RPTOR: variants seen among roughly 807,000 people sequenced by gnomAD.
The protein encoded by RPTOR is regulatory-associated protein of mTOR.
In RPTOR, 21 loss-of-function variants were observed where a neutral mutation model predicts 169.9. The ratio of observed to expected loss-of-function variants is 0.12; its 90% CI spans 0.09 to 0.18. The LOEUF (loss-of-function observed/expected upper bound fraction) is 0.18, where lower values mean the gene tolerates loss of function less well. Among genes scored for constraint, RPTOR ranks in the 10% least tolerant of loss-of-function variants. The pLI is 1.00. For synonymous variants in RPTOR, 732 were observed against 753.2 expected, an observed-to-expected ratio of 0.97 and a Z score of 0.46; for missense variants, 1,133 against 1,855.9, an observed-to-expected ratio of 0.61 and a Z score of 7.16.
intron 1 of RPTOR, among the ~76,000 whole-genome samples, chr17:80,559,290 G>T (rs2084449521): frequency 6.6e-6 from 1 of 152,188 alleles, no homozygotes; most frequent in Non-Finnish European, 1.5e-5. Flanking sequence ...CTTTGTCCCA[G>T]TACTGTCATG....
chr17:80,905,520 C>T (rs891461923), intron 20 of RPTOR, among the ~76,000 whole-genome samples: 2 of 151,328 alleles, frequency 1.3e-5, no homozygotes, highest in Non-Finnish European at 2.9e-5. Context: ...GGCATGAACC[C>T]AGGAGGCAGA....
intron 24 of RPTOR, among the ~76,000 whole-genome samples, chr17:80,929,305 G>C (rs1038936920): frequency 6.6e-6 from 1 of 152,222 alleles, no homozygotes; most frequent in Non-Finnish European, 1.5e-5. Flanking sequence ...ACGGGAGGAG[G>C]CTTGGCCAGT....
At chr17:80,703,339 A>G (rs1409270057) in intron 3 of RPTOR, among the ~76,000 whole-genome samples, 1 of 152,156 alleles carries the variant, frequency 6.6e-6, no homozygotes, top group Non-Finnish European at 1.5e-5. Flanking sequence ...TCTGAAAAAC[A>G]TATCCTGTGT....
intron 13 of RPTOR, among the ~76,000 whole-genome samples, chr17:80,872,630 G>C (rs374192942): frequency 6.6e-6 from 1 of 152,192 alleles, no homozygotes; most frequent in Non-Finnish European, 1.5e-5. Context: ...AGCTGCCTCC[G>C]GGTTGCCAAG....
At chr17:80,853,170 C>T (rs2067812278) in intron 11 of RPTOR, among the ~76,000 whole-genome samples, 1 of 152,142 alleles carries the variant, frequency 6.6e-6, no homozygotes, top group Admixed American at 6.6e-5. Flanking sequence ...GCTTCTGGAT[C>T]TCAAAACAAA....
intron 14 of RPTOR, 37 bp from the exon 15 acceptor site, chr17:80,883,382 T>TGAGGG (rs1210618919): frequency 2.5e-6 from 4 of 1,599,682 alleles, no homozygotes; most frequent in Non-Finnish European, 3.4e-6. Flanking sequence ...GAGTTTCCAC[T>TGAGGG]GAGGGGAGAC....
chr17:80,896,421 G>A (rs78397018), intron 20 of RPTOR, among the ~76,000 whole-genome samples: 4,433 of 53,736 alleles, frequency 0.082, 189 homozygotes, highest in African/African-American at 0.18. Flanking sequence ...CACCCCACAC[G>A]GCCTCGCCAA....
chr17:80,797,431 A>G (rs759079108), intron 7 of RPTOR, among the ~76,000 whole-genome samples: 2 of 152,258 alleles, frequency 1.3e-5, no homozygotes, highest in Non-Finnish European at 2.9e-5. Flanking sequence ...TATGGGCATG[A>G]GCCGCTGTGC....
rs540092997 is a variant in RPTOR at position 80,639,421 on chromosome 17, C to A, written c.266-4307C>A. ...GCACACAGAGGAAACTGCACCTAAC[C>A]CGGGTGTATCCTAAACTGATCATAC... On this transcript the variant is annotated intron_variant, in intron 2 of 33. Transcript: ENST00000306801. 2.0e-5 allele frequency among the ~76,000 whole-genome samples: 3 copies of A among 152,070 alleles called. No homozygotes were observed. In the South Asian group the frequency reaches 6.2e-4, roughly 32 times the overall value.
At chr17:80,767,174 A>T (rs1048915433) in intron 6 of RPTOR, among the ~76,000 whole-genome samples, 1 of 152,158 alleles carries the variant, frequency 6.6e-6, no homozygotes, top group African/African-American at 2.4e-5. Flanking sequence ...GGAGTTCAAG[A>T]CCAGCCTGGG....
intron 19 of RPTOR, among the ~76,000 whole-genome samples, chr17:80,893,343 G>T (rs970588926): frequency 4.2e-5 from 6 of 144,554 alleles, no homozygotes; most frequent in Non-Finnish European, 9.1e-5. Flanking sequence ...GTGTGTGTGC[G>T]CCAGGGTGTG....
At chr17:80,596,888 C>G (rs1304660003) in intron 1 of RPTOR, among the ~76,000 whole-genome samples, 2 of 152,084 alleles carry the variant, frequency 1.3e-5, no homozygotes, top group African/African-American at 4.8e-5. Context: ...GGATTTAGAT[C>G]CTGGCATTTT....
intron 5 of RPTOR, among the ~76,000 whole-genome samples, chr17:80,735,452 T>C (rs149883176): frequency 1.9e-3 from 282 of 152,374 alleles, no homozygotes; most frequent in Middle Eastern, 0.014. Context: ...TAACAACTTT[T>C]ATCTGGATAC....
chr17:80,578,670 G>C (rs554388918), intron 1 of RPTOR, among the ~76,000 whole-genome samples: 2 of 152,190 alleles, frequency 1.3e-5, no homozygotes, highest in Non-Finnish European at 2.9e-5. Flanking sequence ...TGACTGAGAC[G>C]GTAACTACAG....
In RPTOR at chr17:80,823,338, G is replaced by T. The variant is rs1306333921; in HGVS notation, c.1136+115G>T. On this transcript the variant is annotated intron_variant, in intron 9 of 33. Coordinates refer to ENST00000306801, the MANE Select transcript of RPTOR (RefSeq NM_020761.3). The surrounding 1 kb of genome is among the most constrained non-coding windows in gnomAD (Gnocchi z 4.5). ...GCCCCACACCTAACTTGGGGACCCC[G>T]TGTAGCATTAACAAGTGAAGCTAAA... 2 of 1,325,566 alleles carry T rather than the reference G, an allele frequency of 1.5e-6. No individual in the cohort carries two copies. The highest frequency in any genetic ancestry group is 2.1e-6 in the Non-Finnish European group (2 of 969,058). 82.1% of individuals were successfully genotyped at this position (1,325,566 alleles called of 1,614,324 possible).
intron 28 of RPTOR, among the ~76,000 whole-genome samples, chr17:80,953,762 G>A (rs535036333): frequency 6.6e-6 from 1 of 152,358 alleles, no homozygotes; most frequent in East Asian, 1.9e-4. Context: ...GGCTCTGTTG[G>A]CTGCACAGCT....
chr17:80,913,916 C>T, intron 21 of RPTOR, among the ~76,000 whole-genome samples: 1 of 152,200 alleles, frequency 6.6e-6, no homozygotes, highest in African/African-American at 2.4e-5. Context: ...CCTGTCAGGG[C>T]ACATGTTCTC....
chr17:80,836,506 C>T (rs2067566317), intron 9 of RPTOR, among the ~76,000 whole-genome samples: 1 of 152,180 alleles, frequency 6.6e-6, no homozygotes, highest in East Asian at 1.9e-4. Flanking sequence ...TCATGTCTCC[C>T]TCACAGTGTC....
chr17:80,903,461 C>T (rs966566554), intron 20 of RPTOR, among the ~76,000 whole-genome samples: 6 of 152,252 alleles, frequency 3.9e-5, no homozygotes, highest in African/African-American at 1.4e-4. Context: ...CCTGCCCAGG[C>T]CTCTCAGCCG....
Sources: gnomAD v4.1 joint callset for allele counts (sites outside exome capture counted in the v4.1 genomes callset) on GRCh38, gnomAD v4.1.1 for gene constraint, Gnocchi (gnomAD v3.1) non-coding constraint, MANE v1.5 for transcripts, NCBI Gene and HGNC (gene_info 2026-07-23, HGNC 2026-07-21) for gene names.